SRFBP1: variants seen among roughly 807,000 people sequenced by gnomAD.
SRFBP1 encodes the protein serum response factor-binding protein 1.
SRFBP1 carries 47 observed loss-of-function variants against 45.5 expected under a neutral mutation model. The ratio of observed to expected loss-of-function variants is 1.03; its 90% CI spans 0.82 to 1.32. SRFBP1 has a LOEUF of 1.32. Ranked by LOEUF, SRFBP1 falls within the 40% of genes most tolerant of loss-of-function variation. The probability of loss-of-function intolerance (pLI) is 0.00; values close to 1 mark genes in which losing one functional copy is unlikely to be tolerated. For missense variants in SRFBP1, 621 were observed against 484.6 expected, an observed-to-expected ratio of 1.28 and a Z score of -2.64; for synonymous variants, 203 against 166.3, an observed-to-expected ratio of 1.22 and a Z score of -1.70.
chr5:122,040,089 A>T (rs996019728), intron 2 of SRFBP1, among the ~76,000 whole-genome samples: 2 of 152,072 alleles, frequency 1.3e-5, no homozygotes, highest in Admixed American at 6.6e-5. Flanking sequence ...TTTTCTTTAC[A>T]AATAATTTTT....
In SRFBP1 at chr5:121,975,349, C is replaced by A. The variant is rs756126292; in HGVS notation, c.160C>A (p.Arg54=). The A allele has an allele frequency of 2.9e-5, 46 of 1,613,126 alleles. No individual in the cohort carries two copies. The highest frequency in any genetic ancestry group is 3.9e-5 in the Non-Finnish European group (46 of 1,179,368). Reference sequence around the variant, plus strand: ...AGATGCACTGTTAAAAAACCAAAGACGGGCGCAAAGATTGCTTGAAGAAAT... The same window carrying A: ...AGATGCACTGTTAAAAAACCAAAGAAGGGCGCAAAGATTGCTTGAAGAAAT... ...TEDALLKNQR[R]AQRLLEEIHA... is the part of the protein sequence containing the mutation. Residue 54 remains arginine (R), a synonymous_variant, in exon 3 of 8, where the codon CGG becomes AGG. Coordinates refer to ENST00000339397, the MANE Select transcript of SRFBP1 (RefSeq NM_152546.3).
In SRFBP1 at chr5:122,022,227, C is replaced by A. The variant is rs182934695; in HGVS notation, c.1068-143C>A. On this transcript the variant is annotated intron_variant, in intron 6 of 7. Coordinates refer to ENST00000339397, the MANE Select transcript of SRFBP1 (RefSeq NM_152546.3). ...TGATACAGCTACAACCTGGGACTTT[C>A]ATAATTATTTTATTGTTTGCTGGTG... 3.0e-5 allele frequency: 19 copies of A among 636,698 alleles called. No homozygotes were observed. In the South Asian group the frequency reaches 4.2e-4, roughly 14 times the overall value. The allele number at this position is 636,698 out of a possible 1,614,324, so 39.4% of individuals were successfully genotyped here. A position where few individuals can be genotyped will look rare whatever the true frequency, so the allele number is the denominator to read the frequency against.
intron 3 of SRFBP1, among the ~76,000 whole-genome samples, chr5:121,982,717 A>G (rs1222657132): frequency 6.6e-6 from 1 of 151,818 alleles, no homozygotes; most frequent in Non-Finnish European, 1.5e-5. Flanking sequence ...ACTGATTCTA[A>G]GGAGCTGATT....
At chr5:122,023,104 C>T (rs974458221) in intron 7 of SRFBP1, among the ~76,000 whole-genome samples, 2 of 152,220 alleles carry the variant, frequency 1.3e-5, no homozygotes, top group African/African-American at 2.4e-5. Flanking sequence ...CAGTTCTACT[C>T]ACATATCATT....
chr5:121,986,547 C>A (rs538437723), intron 3 of SRFBP1, among the ~76,000 whole-genome samples: 2 of 152,124 alleles, frequency 1.3e-5, no homozygotes, highest in Non-Finnish European at 2.9e-5. Flanking sequence ...CTAGTCTGAA[C>A]AACAAATACA....
intron 2 of SRFBP1, among the ~76,000 whole-genome samples, chr5:122,049,261 G>A (rs954433272): frequency 5.9e-5 from 9 of 152,124 alleles, no homozygotes; most frequent in Middle Eastern, 6.8e-3. Flanking sequence ...AACCAACAAA[G>A]ATCAAAAGAG....
intron 4 of SRFBP1, among the ~76,000 whole-genome samples, chr5:122,000,343 CAT>C (rs1752836443): frequency 6.6e-6 from 1 of 152,002 alleles, no homozygotes; most frequent in Admixed American, 6.5e-5. Context: ...CATAATTAAA[CAT>C]AAAAATAAAT....
At chr5:122,054,495 A>T (rs929060066) in intron 2 of SRFBP1, among the ~76,000 whole-genome samples, 9 of 152,044 alleles carry the variant, frequency 5.9e-5, no homozygotes, top group African/African-American at 2.2e-4. Context: ...CCTGTCCGTG[A>T]GTGTGGCATA....
intron 3 of SRFBP1, among the ~76,000 whole-genome samples, chr5:121,976,391 G>A (rs1420701610): frequency 6.7e-6 from 1 of 150,178 alleles, no homozygotes; most frequent in Non-Finnish European, 1.5e-5. Context: ...CAGTCCTTCA[G>A]GAAAAAAAAG....
At chr5:122,036,453 T>G (rs557140190) in intron 2 of SRFBP1, among the ~76,000 whole-genome samples, 1 of 152,290 alleles carries the variant, frequency 6.6e-6, no homozygotes, top group South Asian at 2.1e-4. Flanking sequence ...AGGCCTGTCT[T>G]TGGGACTGGC....
chr5:122,029,065 G>A (rs1354586199), downstream of SRFBP1, among the ~76,000 whole-genome samples: 2 of 152,008 alleles, frequency 1.3e-5, no homozygotes, highest in African/African-American at 4.8e-5. Context: ...TCTCGACTTG[G>A]AGTGATTTTC....
Position 122,027,016 on chromosome 5 carries a change from C to CA in SRFBP1, c.1181dup (p.Gln395AlafsTer22), listed in dbSNP as rs1753495166. The CA allele has an allele frequency of 6.2e-7, 1 of 1,612,540 alleles. No individual in the cohort carries two copies. The highest frequency in any genetic ancestry group is 8.5e-7 in the Non-Finnish European group (1 of 1,179,492). On this transcript the variant is annotated frameshift_variant, in exon 8 of 8. Coordinates refer to ENST00000339397, the MANE Select transcript of SRFBP1 (RefSeq NM_152546.3). LOFTEE classifies it high-confidence loss of function. ...ATCAGGAAGACTTGAAAATACAAAA[C>CA]AGCAATTGCAGCTGCCTCTTCATCC...
intron 2 of SRFBP1, among the ~76,000 whole-genome samples, chr5:122,061,824 T>G (rs573743159): frequency 1.2e-4 from 18 of 152,122 alleles, no homozygotes; most frequent in Admixed American, 6.6e-4. Flanking sequence ...GTTCTGTAGT[T>G]TTTTAGAAAG....
intron 2 of SRFBP1, among the ~76,000 whole-genome samples, chr5:122,037,511 TA>T (rs1354299762): frequency 5.6e-4 from 85 of 152,308 alleles, no homozygotes; most frequent in African/African-American, 2.0e-3. Flanking sequence ...CTTTTTATTT[TA>T]TTTTTTTCAT....
chr5:122,031,648 A>G (rs1194573635), downstream of SRFBP1, among the ~76,000 whole-genome samples: 1 of 152,180 alleles, frequency 6.6e-6, no homozygotes, highest in Admixed American at 6.6e-5. Flanking sequence ...ATTTTCACCC[A>G]TAGCCATACA....
rs1753528881 is a variant in SRFBP1, at chr5:122,028,246, A to T, written c.*1120A>T. The stretch of plus-strand genomic sequence containing the variant: ...ACATTAGTTCCTTTAATGGCAGGGA[A>T]GGCCATCTGGTTAACCTGTATTCAC... On this transcript the variant is annotated 3_prime_UTR_variant, in exon 8 of 8. Transcript: ENST00000339397. The T allele has an allele frequency of 6.6e-6, 1 of 152,196 alleles. No individual in the cohort carries two copies. Among genetic ancestry groups the T allele is most frequent in the Admixed American group, 6.6e-5 (1 of 15,264 alleles). 9.4% of individuals were successfully genotyped at this position (152,196 alleles called of 1,614,324 possible).
Position 121,975,366 on chromosome 5 carries a change from T to A in SRFBP1, c.177T>A (p.Leu59=). The A allele has an allele frequency of 6.2e-7, 1 of 1,613,332 alleles. No homozygotes were observed. Among genetic ancestry groups the A allele is most frequent in the African/African-American group, 1.3e-5 (1 of 75,020 alleles). Residue 59 remains leucine, a synonymous_variant, in exon 3 of 8, where the codon CTT becomes CTA. Coordinates refer to ENST00000339397, the MANE Select transcript of SRFBP1 (RefSeq NM_152546.3). The stretch of plus-strand genomic sequence containing the variant: ...ACCAAAGACGGGCGCAAAGATTGCT[T>A]GAAGAAATCCATGCCATGAAGGTAA... The part of the protein sequence containing the change: ...LKNQRRAQRL[L]EEIHAMKELK...
chr5:122,022,294 C>G (rs1753372553), intron 6 of SRFBP1, 76 bp from the exon 7 acceptor site: 1 of 1,283,266 alleles, frequency 7.8e-7, no homozygotes. Flanking sequence ...GTTTTATCAT[C>G]AATTTTGTTA....
downstream of SRFBP1, chr5:122,077,925 A>T: frequency 6.6e-7 from 1 of 1,514,788 alleles, no homozygotes; most frequent in Non-Finnish European, 8.7e-7. The surrounding 1 kb of genome is among the most constrained non-coding windows in gnomAD (Gnocchi z 4.9). Flanking sequence ...GGAGGGGCGC[A>T]GTGCACTAGC....
Sources: allele counts gnomAD v4.1 joint callset (sites outside exome capture counted in the v4.1 genomes callset), GRCh38; gene constraint gnomAD v4.1.1; non-coding constraint Gnocchi (gnomAD v3.1); transcripts MANE v1.5; gene names NCBI Gene and HGNC (gene_info 2026-07-23, HGNC 2026-07-21).